RBL2: variants seen among roughly 807,000 people sequenced by gnomAD.
The protein encoded by RBL2 is retinoblastoma-like protein 2.
RBL2 carries 56 observed loss-of-function variants against 126.0 expected under a neutral mutation model. That is an observed-to-expected ratio of 0.44 (90% CI 0.36 to 0.56). The LOEUF (loss-of-function observed/expected upper bound fraction) is 0.56. RBL2 is among the 20% of genes least tolerant of loss of function. RBL2 has a pLI of 0.00. For missense variants in RBL2, 1,229 were observed against 1,398.2 expected, an observed-to-expected ratio of 0.88 and a Z score of 1.93; for synonymous variants, 454 against 478.5, an observed-to-expected ratio of 0.95 and a Z score of 0.67.
At position 53,491,472 on chromosome 16, in the gene RBL2, A is replaced by G. The variant is rs1161521607; in HGVS notation, c.*1172A>G. 1 of 152,596 alleles carries G rather than the reference A, an allele frequency of 6.6e-6. No individual in the cohort carries two copies. The highest frequency in any genetic ancestry group is 2.4e-5 in the African/African-American group (1 of 41,462). 9.5% of individuals were successfully genotyped at this position (152,596 alleles called of 1,614,324 possible). On this transcript the variant is annotated 3_prime_UTR_variant, in exon 22 of 22. Coordinates refer to ENST00000262133, the MANE Select transcript of RBL2 (RefSeq NM_005611.4). ...TATTAGGGAGAAAATTCAATTGTAA[A>G]TTGAATCAGTATAAACAAAGTTACT...
rs768237269 is a variant in RBL2 at position 53,461,749 on chromosome 16, C to G, written c.1355C>G (p.Ser452Cys). 2.5e-6 allele frequency: 4 copies of G among 1,589,898 alleles called. No homozygotes were observed. Among genetic ancestry groups the G allele is most frequent in the Middle Eastern group, 1.7e-4 (1 of 5,924 alleles). ...CTCATTACCTTTTTTAGGACATGTTCCAGAGATCCAACCCAGGCTATTGCT... is the reference window on the plus strand; with the variant it reads ...CTCATTACCTTTTTTAGGACATGTTGCAGAGATCCAACCCAGGCTATTGCT... Reference protein sequence around the residue: ...EKLEQILRTCSRDPTQAIANR... With the variant: ...EKLEQILRTCCRDPTQAIANR... Residue 452 changes from serine to cysteine, a missense_variant, in exon 10 of 22, where the codon TCC becomes TGC. Physicochemically the swap from Ser to Cys is moderately radical, Grantham distance 112. This residue lies in a region of RBL2 where 1,070 missense variants were observed against 1,274.3 expected (regional missense o/e 0.84). Transcript: ENST00000262133.
chr16:53,482,737 G>C (rs1335108272), intron 21 of RBL2, among the ~76,000 whole-genome samples: 1 of 151,612 alleles, frequency 6.6e-6, no homozygotes, highest in African/African-American at 2.4e-5. Context: ...TTGAACCCAG[G>C]AGGTGGAGGT....
At position 53,480,675 on chromosome 16, in the gene RBL2, T is replaced by A. The variant is rs1004456022; in HGVS notation, c.2990T>A (p.Met997Lys). Residue 997 changes from methionine (M) to lysine (K), a missense_variant, in exon 20 of 22, where the codon ATG (methionine) becomes AAG (lysine). By Grantham distance (95) the Met-to-Lys change is moderately conservative. Around this residue, in one of 2 missense-constraint regions of RBL2, gnomAD observed 1,070 missense variants for 1,274.3 expected, o/e 0.84. Transcript: ENST00000262133. ...CGCCTCACAGGTGCCAACAGTGACA[T>A]GGAAGAAGAGGAGAGGGGAGACCTC... ...PTRLTGANSD[M>K]EEEERGDLIQ... is the part of the protein sequence containing the mutation. 1 of 1,613,740 alleles carries A rather than the reference T, an allele frequency of 6.2e-7. No homozygotes were observed. The highest frequency in any genetic ancestry group is 1.3e-5 in the African/African-American group (1 of 74,846).
chr16:53,479,669 TGTAGTACTGCAG>T (rs1960865868), intron 18 of RBL2: 1 of 509,644 alleles, frequency 2.0e-6, no homozygotes, highest in African/African-American at 1.9e-5. Flanking sequence ...GTCACTGCAG[TGTAGTACTGCAG>T]GTAGTACTTG....
At chr16:53,475,894 G>A (rs940880292) in intron 17 of RBL2, among the ~76,000 whole-genome samples, 4 of 124,628 alleles carry the variant, frequency 3.2e-5, no homozygotes, top group African/African-American at 1.3e-4. Flanking sequence ...CGCCTAGGCT[G>A]GAGTGTAGTG....
In RBL2 at chr16:53,439,048, A is replaced by G. The variant is rs748944997; in HGVS notation, c.273A>G (p.Leu91=). ...ATCTTCATTGGTTAGCATGTGCCTT[A>G]TATGTGGCTTGCAGAAAATCTGTTC... ...GNDLHWLACA[L]YVACRKSVPT... is the part of the protein sequence containing the mutation. The change falls in exon 2 of 22, where the codon TTA becomes TTG. Residue 91 remains leucine, a synonymous_variant. Coordinates refer to ENST00000262133, the MANE Select transcript of RBL2 (RefSeq NM_005611.4). The G allele has an allele frequency of 4.4e-6, 7 of 1,605,920 alleles. No homozygotes were observed. In the East Asian group the frequency reaches 1.4e-4, roughly 31 times the overall value.
Position 53,442,830 on chromosome 16 carries a change from C to T in RBL2, c.544C>T (p.Pro182Ser). The T allele has an allele frequency of 6.2e-7, 1 of 1,612,726 alleles. No individual in the cohort carries two copies. Among genetic ancestry groups the T allele is most frequent in the Non-Finnish European group, 8.5e-7 (1 of 1,179,324 alleles). The change falls in exon 3 of 22, where the codon CCT becomes TCT. Residue 182 changes from proline to serine, a missense_variant. Pro to Ser is a moderately conservative substitution (Grantham distance 74). Coordinates refer to ENST00000262133, the MANE Select transcript of RBL2 (RefSeq NM_005611.4). ...DIFKYPQEEQPRQQRGRKQRR... is the reference protein window; with the variant it reads ...DIFKYPQEEQSRQQRGRKQRR... ...CTTTAAATACCCTCAAGAGGAGCAA[C>T]CTCGTCAGCAGCGAGGAAGGAAACA... is the stretch of plus-strand genomic sequence containing the variant.
chr16:53,490,246 T>C lies in RBL2; in HGVS notation c.3366T>C (p.His1122=). ...CAAAAAGAATTTGCCCAGAAAATCA[T>C]TCTGCCTTATTACGCCGTCTCCAAG... ...SPAKRICPEN[H]SALLRRLQDV... is the part of the protein sequence containing the mutation. The change falls in exon 22 of 22, where the codon CAT becomes CAC. Residue 1122 remains histidine, a synonymous_variant. Coordinates refer to ENST00000262133, the MANE Select transcript of RBL2 (RefSeq NM_005611.4). 6.2e-7 allele frequency: 1 copy of C among 1,613,004 alleles called. No individual in the cohort carries two copies. Among genetic ancestry groups the C allele is most frequent in the Non-Finnish European group, 8.5e-7 (1 of 1,179,398 alleles).
chr16:53,435,873 A>G (rs1042946441), intron 1 of RBL2: 5 of 939,146 alleles, frequency 5.3e-6, no homozygotes, highest in Non-Finnish European at 7.2e-6. Context: ...TCTGCAGAAG[A>G]TAGTGTATGG....
rs115981081 is a variant in RBL2, at chr16:53,463,071, C to T, written c.1560+416C>T. 3.2e-3 allele frequency among the ~76,000 whole-genome samples: 494 copies of T among 152,268 alleles called. 2 individuals carry two copies. The highest frequency in any genetic ancestry group is 9.8e-3 in the African/African-American group (409 of 41,550). ...GGCCAGGCTGGTCTTGAACTCCAGA[C>T]GTCAGGTGGTCCGCATGCCTTGGCC... On this transcript the variant is annotated intron_variant, in intron 11 of 21. Coordinates refer to ENST00000262133, the MANE Select transcript of RBL2 (RefSeq NM_005611.4).
intron 3 of RBL2, among the ~76,000 whole-genome samples, chr16:53,446,814 A>G (rs1405984172): frequency 1.3e-5 from 2 of 152,210 alleles, no homozygotes; most frequent in African/African-American, 4.8e-5. Flanking sequence ...AACTTTAAAA[A>G]ATTCTTTAAG....
chr16:53,451,363 A>G (rs1281730600), intron 4 of RBL2, among the ~76,000 whole-genome samples: 1 of 152,094 alleles, frequency 6.6e-6, no homozygotes, highest in Non-Finnish European at 1.5e-5. Flanking sequence ...TAAATTAGCC[A>G]TGTGTGGTGG....
At chr16:53,477,526 T>C (rs1160086868) in intron 17 of RBL2, among the ~76,000 whole-genome samples, 1 of 152,036 alleles carries the variant, frequency 6.6e-6, no homozygotes, top group African/African-American at 2.4e-5. Context: ...TGTATTTTTT[T>C]GTAGAGACGG....
At chr16:53,477,226 G>C (rs1383794694) in intron 17 of RBL2, among the ~76,000 whole-genome samples, 2 of 152,186 alleles carry the variant, frequency 1.3e-5, no homozygotes, top group African/African-American at 2.4e-5. Flanking sequence ...CCAGTACATT[G>C]TTATAATTAT....
chr16:53,444,738 C>T (rs1158271663), intron 3 of RBL2, among the ~76,000 whole-genome samples: 3 of 151,900 alleles, frequency 2.0e-5, no homozygotes, highest in Non-Finnish European at 4.4e-5. Context: ...GTCCCAGCTA[C>T]TTGAGAGGCT....
Position 53,439,026 on chromosome 16 carries a change from T to G in RBL2, c.251T>G (p.Leu84Arg), listed in dbSNP as rs778314573. 7.0e-6 allele frequency: 11 copies of G among 1,576,894 alleles called. No homozygotes were observed. Among genetic ancestry groups the G allele is most frequent in the Non-Finnish European group, 9.4e-6 (11 of 1,164,818 alleles). The change falls in exon 2 of 22, where the codon CTT (leucine) becomes CGT (arginine). Residue 84 changes from leucine to arginine, a missense_variant. Around this residue, in one of 2 missense-constraint regions of RBL2, gnomAD observed 159 missense variants for 123.9 expected, o/e 1.28. Coordinates refer to ENST00000262133, the MANE Select transcript of RBL2 (RefSeq NM_005611.4). The part of the protein sequence containing the change: ...SESYTLEGND[L>R]HWLACALYVA... ...TCTTTTCTTTTACAGGGAAATGATCTTCATTGGTTAGCATGTGCCTTATAT... is the reference window on the plus strand; with the variant it reads ...TCTTTTCTTTTACAGGGAAATGATCGTCATTGGTTAGCATGTGCCTTATAT...
At position 53,451,742 on chromosome 16, in the gene RBL2, A is replaced by T. The variant is rs200891640; in HGVS notation, c.677A>T (p.Tyr226Phe). Residue 226 changes from tyrosine to phenylalanine, a missense_variant, in exon 5 of 22, where the codon TAT becomes TTT. Transcript: ENST00000262133. The stretch of plus-strand genomic sequence containing the variant: ...ATTAGTGATGATTTGGTCAATTCTT[A>T]TCACCTGCTGCTGTGTGCTTTGGAC... ...PMISDDLVNS[Y>F]HLLLCALDLV... 1.1e-5 allele frequency: 18 copies of T among 1,613,600 alleles called. No homozygotes were observed. Among genetic ancestry groups the T allele is most frequent in the Non-Finnish European group, 1.5e-5 (18 of 1,179,596 alleles).
At chr16:53,480,802 T>C (rs776667131) in intron 20 of RBL2, 33 bp downstream of exon 20, 2 of 1,579,846 alleles carry the variant, frequency 1.3e-6, no homozygotes, top group Non-Finnish European at 1.7e-6. Flanking sequence ...CATACTTTTT[T>C]CACTCATGAG....
In RBL2 at chr16:53,470,045, C is replaced by A; in HGVS notation, c.2105C>A (p.Pro702His). 6.2e-7 allele frequency: 1 copy of A among 1,614,240 alleles called. No individual in the cohort carries two copies. Among genetic ancestry groups the A allele is most frequent in the Non-Finnish European group, 8.5e-7 (1 of 1,180,032 alleles). ...ACGCCTGGGCGCATGCCCCCACAGC[C>A]CCTAGTCAATGCTGTCCCTGTGCAG... ...GGTPGRMPPQPLVNAVPVQNV... is the reference protein window; with the variant it reads ...GGTPGRMPPQHLVNAVPVQNV... The change falls in exon 15 of 22, where the codon CCC becomes CAC. Residue 702 changes from proline (P) to histidine (H), a missense_variant. Transcript: ENST00000262133.
Sources: gnomAD v4.1 joint callset for allele counts (sites outside exome capture counted in the v4.1 genomes callset) on GRCh38, gnomAD v4.1.1 for gene constraint, gnomAD v4.1.1 regional missense constraint, MANE v1.5 for transcripts, NCBI Gene and HGNC (gene_info 2026-07-23, HGNC 2026-07-21) for gene names.